The following QTMAN variants were observed in gnomAD, a reference collection of about 807,000 sequenced individuals.
The protein encoded by QTMAN is queuosine-tRNA mannosyltransferase, also known as tRNA-queuosine alpha-mannosyltransferase.
chr2:144,230,581 G>A, the QTMAN span, among the ~76,000 whole-genome samples: 1 of 152,054 alleles, frequency 6.6e-6, no homozygotes, highest in Non-Finnish European at 1.5e-5. Flanking sequence ...CTTTTACAGG[G>A]GCATATTGGC....
the QTMAN span, among the ~76,000 whole-genome samples, chr2:144,261,195 T>C: frequency 6.6e-5 from 10 of 152,190 alleles, no homozygotes; most frequent in Non-Finnish European, 1.5e-4. Context: ...ACACATTTAA[T>C]CAAATGCCTT....
the QTMAN span, among the ~76,000 whole-genome samples, chr2:144,033,210 T>C: frequency 1.1e-4 from 16 of 152,218 alleles, no homozygotes; most frequent in Non-Finnish European, 1.9e-4. Flanking sequence ...TCTGAGACTA[T>C]GTACTGCAGT....
chr2:143,981,628 T>A, the QTMAN span, among the ~76,000 whole-genome samples: 2 of 152,242 alleles, frequency 1.3e-5, no homozygotes, highest in African/African-American at 2.4e-5. Context: ...GTTTATGTTT[T>A]ATGTCTTGTT....
chr2:144,058,463 T>C, the QTMAN span, among the ~76,000 whole-genome samples: 1 of 152,226 alleles, frequency 6.6e-6, no homozygotes, highest in African/African-American at 2.4e-5. Context: ...TCTTGGAATT[T>C]AGGCATAATA....
At chr2:143,946,106 T>C in the QTMAN span, 1 of 152,216 alleles carries the variant, frequency 6.6e-6, no homozygotes, top group African/African-American at 2.4e-5. Flanking sequence ...AGTTTGACTA[T>C]TGAAATCATA....
chr2:144,297,931 T>C, the QTMAN span, among the ~76,000 whole-genome samples: 14 of 151,898 alleles, frequency 9.2e-5, 1 homozygote, highest in South Asian at 8.3e-4. Flanking sequence ...TTAGGGAAAA[T>C]TGAATATAGA....
chr2:144,131,681 T>G, the QTMAN span, among the ~76,000 whole-genome samples: 1 of 151,928 alleles, frequency 6.6e-6, no homozygotes, highest in Non-Finnish European at 1.5e-5. Context: ...TGTACCTATA[T>G]TCTGTCTTCA....
the QTMAN span, among the ~76,000 whole-genome samples, chr2:144,244,610 G>C: frequency 2.6e-5 from 4 of 152,124 alleles, no homozygotes; most frequent in African/African-American, 7.2e-5. Flanking sequence ...TATTGTCTTA[G>C]TAAGTACAGA....
chr2:144,223,775 T>A, the QTMAN span, among the ~76,000 whole-genome samples: 1 of 152,218 alleles, frequency 6.6e-6, no homozygotes, highest in African/African-American at 2.4e-5. Context: ...AAAACGATTT[T>A]TAAAATCAGG....
chr2:144,112,222 C>T, the QTMAN span, among the ~76,000 whole-genome samples: 4 of 152,204 alleles, frequency 2.6e-5, no homozygotes, highest in Non-Finnish European at 5.9e-5. Context: ...GTACCAAGAG[C>T]TCCAACTACA....
chr2:144,033,974 C>A, the QTMAN span, among the ~76,000 whole-genome samples: 2 of 152,168 alleles, frequency 1.3e-5, no homozygotes, highest in African/African-American at 2.4e-5. Flanking sequence ...TGAGTGGATG[C>A]AGCAATGTGG....
the QTMAN span, among the ~76,000 whole-genome samples, chr2:144,270,210 G>A: frequency 6.6e-6 from 1 of 152,154 alleles, no homozygotes; most frequent in East Asian, 1.9e-4. Flanking sequence ...GTTGGTGGGA[G>A]TGTAAATTAG....
chr2:144,240,930 T>C, the QTMAN span, among the ~76,000 whole-genome samples: 5 of 152,178 alleles, frequency 3.3e-5, no homozygotes, highest in Admixed American at 3.3e-4. Flanking sequence ...AGAGTGGTGC[T>C]TCCTACCCTG....
the QTMAN span, among the ~76,000 whole-genome samples, chr2:144,089,271 T>C: frequency 6.6e-6 from 1 of 151,786 alleles, no homozygotes; most frequent in Non-Finnish European, 1.5e-5. Flanking sequence ...TCAGAATGGC[T>C]ATTATTAAAA....
At chr2:144,201,328 G>A in the QTMAN span, among the ~76,000 whole-genome samples, 1 of 152,108 alleles carries the variant, frequency 6.6e-6, no homozygotes, top group Admixed American at 6.6e-5. Context: ...TAGGACTTGA[G>A]GCAGGAAAAA....
At chr2:144,149,794 G>A in the QTMAN span, among the ~76,000 whole-genome samples, 1 of 151,980 alleles carries the variant, frequency 6.6e-6, no homozygotes, top group Admixed American at 6.6e-5. Context: ...TGAAATTCGA[G>A]ATTAAAGATT....
At chr2:144,151,484 A>G in the QTMAN span, among the ~76,000 whole-genome samples, 59 of 152,290 alleles carry the variant, frequency 3.9e-4, no homozygotes, top group African/African-American at 1.3e-3. Context: ...GTGGAAGAAG[A>G]CAGCAAGAAG....
At chr2:144,055,692 A>G in the QTMAN span, among the ~76,000 whole-genome samples, 2 of 152,150 alleles carry the variant, frequency 1.3e-5, no homozygotes, top group African/African-American at 4.8e-5. Context: ...GAAGGGCACA[A>G]TAGTGGGAGG....
At chr2:144,181,077 T>C in the QTMAN span, among the ~76,000 whole-genome samples, 1 of 152,210 alleles carries the variant, frequency 6.6e-6, no homozygotes, top group African/African-American at 2.4e-5. Context: ...TTTAATCAGA[T>C]TAAACTCAAG....
Sources: gnomAD v4.1 joint callset for allele counts (sites outside exome capture counted in the v4.1 genomes callset) on GRCh38, gnomAD v4.1.1 for gene constraint, MANE v1.5 for transcripts, NCBI Gene and HGNC (gene_info 2026-07-23, HGNC 2026-07-21) for gene names.